Variants in CCDC83 observed in about 807,000 individuals in gnomAD.
CCDC83 encodes the protein coiled-coil domain-containing protein 83.
CCDC83 carries 54 observed loss-of-function variants against 50.1 expected under a neutral mutation model. That is an observed-to-expected ratio of 1.08 (90% confidence interval 0.87 to 1.35). The LOEUF (loss-of-function observed/expected upper bound fraction) is 1.35, where lower values mean the gene tolerates loss of function less well. CCDC83 is among the 40% of genes most tolerant of loss of function. The pLI, the probability that CCDC83 is intolerant of heterozygous loss-of-function variation, is 0.00. For synonymous variants in CCDC83, 161 were observed against 153.3 expected (o/e 1.05, Z -0.37); for missense variants, 518 against 473.9 (o/e 1.09, Z -0.86).
chr11:85,865,309 C>A, intron 2 of CCDC83, 91 bp downstream of exon 2: 2 of 776,698 alleles, frequency 2.6e-6, no homozygotes, highest in Non-Finnish European at 4.4e-6. Flanking sequence ...ACAATACATG[C>A]AGCAGCTGCC....
intron 5 of CCDC83, 119 bp downstream of exon 5, chr11:85,886,486 C>T: frequency 1.3e-6 from 1 of 750,460 alleles, no homozygotes; most frequent in Non-Finnish European, 1.9e-6. Context: ...TCAGCACAAG[C>T]AGCTGTGAGC....
intron 3 of CCDC83, among the ~76,000 whole-genome samples, chr11:85,874,530 A>G (rs79814326): frequency 0.14 from 21,329 of 152,254 alleles, 1,814 homozygotes; most frequent in Middle Eastern, 0.2. Flanking sequence ...AGGAGCAAGG[A>G]AAGACAGATT....
At chr11:85,908,013 C>T (rs1005205908) in intron 7 of CCDC83, among the ~76,000 whole-genome samples, 14 of 152,094 alleles carry the variant, frequency 9.2e-5, no homozygotes, top group African/African-American at 3.4e-4. Flanking sequence ...GGCATTCAAG[C>T]TTGTAATCAA....
chr11:85,879,661 C>G (rs545864843), intron 3 of CCDC83, among the ~76,000 whole-genome samples: 6 of 151,802 alleles, frequency 4.0e-5, no homozygotes, highest in African/African-American at 1.5e-4. Context: ...GCTTTGTTGC[C>G]CAAGCTGGAG....
chr11:85,865,113 T>C lies in CCDC83; in HGVS notation c.-11T>C. The stretch of plus-strand genomic sequence containing the variant: ...CTAAACAGGTATATTTCTTCATAGC[T>C]AACCAGCACAATGGAAAACTCAGGG... On this transcript the variant is annotated 5_prime_UTR_variant, in exon 2 of 11. Transcript: ENST00000342404. The C allele has an allele frequency of 3.8e-6, 6 of 1,582,720 alleles. No individual in the cohort carries two copies. The highest frequency in any genetic ancestry group is 5.2e-6 in the Non-Finnish European group (6 of 1,153,626).
chr11:85,896,038 C>T (rs1303859261), intron 6 of CCDC83, among the ~76,000 whole-genome samples: 1 of 152,090 alleles, frequency 6.6e-6, no homozygotes, highest in Non-Finnish European at 1.5e-5. Context: ...TTGAGTATCC[C>T]TTATCTGACA....
At chr11:85,904,119 G>A (rs1295714125) in intron 7 of CCDC83, among the ~76,000 whole-genome samples, 2 of 152,100 alleles carry the variant, frequency 1.3e-5, no homozygotes, top group Non-Finnish European at 2.9e-5. Flanking sequence ...GTTCAGAGGT[G>A]CCAGGGAGCA....
chr11:85,871,306 T>C (rs569001074), intron 2 of CCDC83, among the ~76,000 whole-genome samples: 17 of 152,352 alleles, frequency 1.1e-4, no homozygotes, highest in African/African-American at 3.8e-4. Flanking sequence ...ATTTTGTAAC[T>C]GAAAAGGAAG....
intron 7 of CCDC83, 89 bp from the exon 8 acceptor site, chr11:85,911,192 A>T: frequency 2.2e-5 from 23 of 1,044,416 alleles, no homozygotes; most frequent in Non-Finnish European, 2.8e-5. Context: ...AAAAAAAAAA[A>T]GAAAGAAAAA....
chr11:85,861,190 G>A (rs558670710), intron 1 of CCDC83, among the ~76,000 whole-genome samples: 10 of 152,352 alleles, frequency 6.6e-5, no homozygotes, highest in African/African-American at 2.4e-4. Flanking sequence ...TTGAAGATGA[G>A]TACCATGAAT....
intron 2 of CCDC83, among the ~76,000 whole-genome samples, chr11:85,865,584 T>C (rs749244819): frequency 6.6e-6 from 1 of 152,198 alleles, no homozygotes; most frequent in Non-Finnish European, 1.5e-5. Flanking sequence ...ATGGTTAGTT[T>C]ACATTTATAG....
intron 5 of CCDC83, among the ~76,000 whole-genome samples, chr11:85,888,880 T>C (rs2093339078): frequency 6.6e-6 from 1 of 152,262 alleles, no homozygotes; most frequent in African/African-American, 2.4e-5. Flanking sequence ...TTCTCTACTA[T>C]CTATTCTGAT....
intron 7 of CCDC83, among the ~76,000 whole-genome samples, chr11:85,909,609 CTTTTTTTTTTTTTTTT>C (rs71468972): frequency 1.6e-4 from 9 of 57,706 alleles, no homozygotes; most frequent in African/African-American, 6.5e-4. Context: ...TCAAAATACA[CTTTTTTTTTTTTTTTT>C]TTTTTTTTTT....
At chr11:85,908,752 C>CAA (rs60768638) in intron 7 of CCDC83, among the ~76,000 whole-genome samples, 2 of 136,282 alleles carry the variant, frequency 1.5e-5, no homozygotes, top group Non-Finnish European at 3.2e-5. Context: ...AAAAAAATAC[C>CAA]AAAAAAAAAA....
intron 7 of CCDC83, among the ~76,000 whole-genome samples, chr11:85,910,902 T>C (rs2093450451): frequency 6.6e-6 from 1 of 152,192 alleles, no homozygotes; most frequent in Non-Finnish European, 1.5e-5. Context: ...CCAGTCATGG[T>C]GGCTCACACC....
chr11:85,856,184 C>CAAAAAAA (rs370054964), intron 1 of CCDC83, among the ~76,000 whole-genome samples: 1 of 94,880 alleles, frequency 1.1e-5, no homozygotes. Context: ...CTATCTAAGC[C>CAAAAAAA]AAAAAAAAAA....
At chr11:85,916,480 C>T (rs146260273) in intron 10 of CCDC83, 3 of 415,074 alleles carry the variant, frequency 7.2e-6, no homozygotes, top group African/African-American at 2.1e-5. Context: ...TCTAATGCTA[C>T]ATAACAATCC....
At chr11:85,916,805 C>G (rs1298703975) in intron 10 of CCDC83, 1 of 152,844 alleles carries the variant, frequency 6.5e-6, no homozygotes, top group East Asian at 1.9e-4. Flanking sequence ...ACAAGCAACC[C>G]TAGAGACCAA....
At chr11:85,860,546 G>A (rs1373852412) in intron 1 of CCDC83, among the ~76,000 whole-genome samples, 1 of 152,154 alleles carries the variant, frequency 6.6e-6, no homozygotes, top group Admixed American at 6.5e-5. Flanking sequence ...CTGCTGGTGG[G>A]AGTATTAAAG....
Sources: allele counts gnomAD v4.1 joint callset (sites outside exome capture counted in the v4.1 genomes callset), GRCh38; gene constraint gnomAD v4.1.1; transcripts MANE v1.5; gene names NCBI Gene and HGNC (gene_info 2026-07-23, HGNC 2026-07-21).